Variants in ANK1 observed in about 807,000 individuals in gnomAD.
ANK1 encodes the protein ankyrin 1.
ANK1 carries 51 observed loss-of-function variants against 210.4 expected under a neutral mutation model. The observed-to-expected ratio is 0.24, with a 90% CI of 0.19 to 0.31. The LOEUF is 0.31. Ranked by LOEUF, ANK1 falls within the 10% of genes least tolerant of loss-of-function variation. ANK1 has a pLI of 1.00. For synonymous variants in ANK1, 967 were observed against 1,025.9 expected (o/e 0.94, Z 1.10); for missense variants, 2,051 against 2,504.4 (o/e 0.82, Z 3.86).
At chr8:41,868,927 G>C (rs1307478084) in intron 1 of ANK1, among the ~76,000 whole-genome samples, 1 of 152,190 alleles carries the variant, frequency 6.6e-6, no homozygotes, top group African/African-American at 2.4e-5. Context: ...GAGAAGGAAT[G>C]CGAACACCCA....
intron 1 of ANK1, among the ~76,000 whole-genome samples, chr8:41,859,092 C>T (rs1238663557): frequency 2.6e-5 from 4 of 152,234 alleles, no homozygotes; most frequent in Non-Finnish European, 5.9e-5. Flanking sequence ...TCAAGGGAAT[C>T]GGGTCCTGGG....
rs184445100 is a variant in ANK1, at chr8:41,886,587, A to C, written c.126+9768T>G. On this transcript the variant is annotated intron_variant, in intron 1 of 42. Transcript: ENST00000265709. ...AACCTCATCTAGGACACTGGAGGCA[A>C]TGTTTCAACTGCGTTCTGACGGAGG... is the stretch of plus-strand genomic sequence containing the variant. Among the ~76,000 whole-genome samples the C allele has an allele frequency of 1.4e-3, 210 of 152,346 alleles. 1 individual carries two copies. The highest frequency in any genetic ancestry group is 4.9e-3 in the African/African-American group (202 of 41,594).
In ANK1 at chr8:41,695,229, C is replaced by T. The variant is rs1381868455; in HGVS notation, c.3063G>A (p.Arg1021=). ...CCAGGTAGCTCTCTCCATAGCGGCT[C>T]CTGTGCTCCTTCCACACGGAGCCGT... The part of the protein sequence containing the change: ...SENGSVWKEH[R]SRYGESYLDQ... Residue 1021 remains arginine, a synonymous_variant, in exon 27 of 43, where the codon AGG becomes AGA. Transcript: ENST00000289734. 1 of 1,614,160 alleles carries T rather than the reference C, an allele frequency of 6.2e-7. No individual in the cohort carries two copies. The highest frequency in any genetic ancestry group is 8.5e-7 in the Non-Finnish European group (1 of 1,180,040).
rs148620640 is a variant in ANK1, at chr8:41,690,232, C to A, written c.4099G>T (p.Ala1367Ser). 6.2e-7 allele frequency: 1 copy of A among 1,614,136 alleles called. No homozygotes were observed. Among genetic ancestry groups the A allele is most frequent in the South Asian group, 1.1e-5 (1 of 91,086 alleles). ...CHLNITMPPC[A>S]KGSGAEDRRR... ...CTCGGCAGGTGCCAGCTCACCTTGGCGCAGGGGGGCATGGTGATGTTCAGG... is the reference window on the plus strand; with the variant it reads ...CTCGGCAGGTGCCAGCTCACCTTGGAGCAGGGGGGCATGGTGATGTTCAGG... Residue 1367 changes from alanine to serine, a missense_variant, in exon 33 of 43, where the codon GCC (alanine) becomes TCC (serine). Physicochemically the swap from Ala to Ser is moderately conservative, Grantham distance 99. This residue lies in a region of ANK1 where 1,413 missense variants were observed against 1,707.4 expected (regional missense o/e 0.83). Coordinates refer to ENST00000289734, the MANE Select transcript of ANK1 (RefSeq NM_000037.4).
chr8:41,831,702 G>A (rs372496385), intron 1 of ANK1, among the ~76,000 whole-genome samples: 1 of 151,324 alleles, frequency 6.6e-6, no homozygotes, highest in Non-Finnish European at 1.5e-5. Flanking sequence ...AAGGAAGGAA[G>A]GAAGGAAGGA....
chr8:41,837,155 C>T (rs1807909632), intron 1 of ANK1, among the ~76,000 whole-genome samples: 1 of 152,166 alleles, frequency 6.6e-6, no homozygotes, highest in African/African-American at 2.4e-5. Flanking sequence ...ATCATCAACC[C>T]CTTTCTCACA....
At chr8:41,787,071 G>T (rs1004101301) in intron 1 of ANK1, among the ~76,000 whole-genome samples, 3 of 152,362 alleles carry the variant, frequency 2.0e-5, no homozygotes, top group Non-Finnish European at 4.4e-5. Context: ...CCAAAGCACA[G>T]AGGGATGCCT....
chr8:41,836,924 G>GAA (rs869199711), intron 1 of ANK1, among the ~76,000 whole-genome samples: 17 of 120,046 alleles, frequency 1.4e-4, no homozygotes, highest in Admixed American at 1.8e-4. Flanking sequence ...TATCTCTGGG[G>GAA]AAAAAAAAAA....
At chr8:41,756,137 T>C (rs1839087363) in intron 2 of ANK1, among the ~76,000 whole-genome samples, 1 of 152,016 alleles carries the variant, frequency 6.6e-6, no homozygotes, top group Non-Finnish European at 1.5e-5. Context: ...TATTTATTTA[T>C]TTATTTATTT....
rs61758867 is a variant in ANK1 at position 41,719,787 on chromosome 8, G to A, written c.981C>T (p.Tyr327=). The change falls in exon 10 of 43, where the codon TAC becomes TAT. Residue 327 remains tyrosine, a synonymous_variant. Transcript: ENST00000289734. ...GGGTGATGTCGTCTATCTCTGCGTC[G>A]TATTGCAACAGGAGCCGGACACAGT... The part of the protein sequence containing the change: ...HLDCVRLLLQ[Y]DAEIDDITLD... The A allele has an allele frequency of 1.5e-3, 2,450 of 1,614,168 alleles. 25 individuals carry two copies. Among genetic ancestry groups the A allele is most frequent in the Non-Finnish European group, 8.4e-4 (991 of 1,180,026 alleles).
intron 2 of ANK1, among the ~76,000 whole-genome samples, chr8:41,740,186 G>C (rs1157136576): frequency 3.5e-5 from 5 of 144,018 alleles, no homozygotes; most frequent in Admixed American, 1.4e-4. Context: ...TTTAGATGGA[G>C]TTTCACTCTC....
At chr8:41,662,080 A>C in intron 40 of ANK1, 139 bp from the exon 41 acceptor site, 1 of 1,125,678 alleles carries the variant, frequency 8.9e-7, no homozygotes, top group Non-Finnish European at 1.3e-6. Flanking sequence ...AACATGGTGA[A>C]ACCCTGTCTC....
At position 41,694,005 on chromosome 8, in the gene ANK1, T is replaced by C; in HGVS notation, c.3425A>G (p.His1142Arg). The change falls in exon 29 of 43, where the codon CAC (histidine) becomes CGC (arginine). Residue 1142 changes from histidine (H) to arginine (R), a missense_variant. By Grantham distance (29) the His-to-Arg change is conservative. Coordinates refer to ENST00000289734, the MANE Select transcript of ANK1 (RefSeq NM_000037.4). This position sits in a 1 kb window ranked among gnomAD's most constrained non-coding sequence, Gnocchi z 5.7. ...VTVEPRRRKF[H>R]RPIGLRIPLP... ...TGGGATCCGAAGCCCAATGGGGCGG[T>C]GGAACTTCCGGCGCCGGGGCTCCAC... 2 of 1,613,872 alleles carry C rather than the reference T, an allele frequency of 1.2e-6. No homozygotes were observed. The highest frequency in any genetic ancestry group is 8.5e-7 in the Non-Finnish European group (1 of 1,179,910).
At chr8:41,818,833 C>G (rs906123978) in intron 1 of ANK1, among the ~76,000 whole-genome samples, 4 of 152,152 alleles carry the variant, frequency 2.6e-5, no homozygotes, top group African/African-American at 4.8e-5. Flanking sequence ...AACAAAAGAA[C>G]AGTCCACAGG....
chr8:41,804,519 T>C (rs1382959834), intron 1 of ANK1, among the ~76,000 whole-genome samples: 1 of 152,206 alleles, frequency 6.6e-6, no homozygotes, highest in Non-Finnish European at 1.5e-5. Context: ...TTTAGTATCA[T>C]ATCATACTAA....
At chr8:41,893,490 C>G (rs981023720) in intron 1 of ANK1, among the ~76,000 whole-genome samples, 1 of 152,160 alleles carries the variant, frequency 6.6e-6, no homozygotes, top group Non-Finnish European at 1.5e-5. Flanking sequence ...TCCTCCACCC[C>G]CCGCACACAG....
chr8:41,774,323 G>T (rs1179605567), intron 1 of ANK1, among the ~76,000 whole-genome samples: 2 of 152,214 alleles, frequency 1.3e-5, no homozygotes, highest in African/African-American at 2.4e-5. Context: ...CCGCACAACA[G>T]AGGCTCCATA....
intron 1 of ANK1, among the ~76,000 whole-genome samples, chr8:41,826,506 CCAGGCTCA>C (rs1391120979): frequency 6.6e-6 from 1 of 152,200 alleles, no homozygotes; most frequent in Non-Finnish European, 1.5e-5. Context: ...CCCCTGCACC[CCAGGCTCA>C]CTGTGTGCTG....
chr8:41,699,641 G>T, intron 22 of ANK1, 93 bp from the exon 23 acceptor site: 1 of 1,215,906 alleles, frequency 8.2e-7, no homozygotes, highest in Non-Finnish European at 1.2e-6. Context: ...GCCTCTGGGG[G>T]CTTGCTCCTG....
Sources: allele counts gnomAD v4.1 joint callset (sites outside exome capture counted in the v4.1 genomes callset), GRCh38; gene constraint gnomAD v4.1.1; regional missense constraint gnomAD v4.1.1; non-coding constraint Gnocchi (gnomAD v3.1); transcripts MANE v1.5; gene names NCBI Gene and HGNC (gene_info 2026-07-23, HGNC 2026-07-21).